The following DUSP7 variants were observed in gnomAD, a reference collection of about 807,000 sequenced individuals.
DUSP7 encodes dual specificity phosphatase 7.
DUSP7 carries 7 observed loss-of-function variants against 29.8 expected under a neutral mutation model. That is an observed-to-expected ratio of 0.24 (90% CI 0.13 to 0.44). DUSP7 has a LOEUF of 0.44. DUSP7 is among the 20% of genes least tolerant of loss of function. The pLI is 1.00. For synonymous variants in DUSP7, 287 were observed against 275.4 expected (o/e 1.04, Z -0.42); for missense variants, 400 against 583.7 (o/e 0.69, Z 3.24).
chr3:52,051,199 G>A lies in DUSP7; in HGVS notation c.953-77C>T. ...CACATGGGTGGGCAGGTGGGGCTGG[G>A]GCACAGAGGGCAGCATGGTGGCTGG... On this transcript the variant is annotated intron_variant, in intron 2 of 2. Transcript: ENST00000495880. The surrounding 1 kb of genome is among the most constrained non-coding windows in gnomAD (Gnocchi z 4.8). 3 of 1,489,534 alleles carry A rather than the reference G, an allele frequency of 2.0e-6. No individual in the cohort carries two copies. Among genetic ancestry groups the A allele is most frequent in the Non-Finnish European group, 2.7e-6 (3 of 1,108,668 alleles). 92.3% of individuals were successfully genotyped at this position (1,489,534 alleles called of 1,614,324 possible). A position where few individuals can be genotyped will look rare whatever the true frequency, so the allele number is the denominator to read the frequency against.
chr3:52,056,280 G>T lies in DUSP7; in HGVS notation c.87C>A (p.Ser29=), dbSNP rs1221587423. The T allele has an allele frequency of 2.5e-5, 31 of 1,243,500 alleles. No individual in the cohort carries two copies. The highest frequency in any genetic ancestry group is 2.8e-5 in the Non-Finnish European group (28 of 996,976). The allele number at this position is 1,243,500 out of a possible 1,614,324, so 77.0% of individuals were successfully genotyped here. ...CGGACCCCGACCCCGCACCGGGCTC[G>T]GACCCCGCCCGGGTGCCCCCAGCCG... ...AAAAGGTRAG[S]EPGAGSGSGA... The change falls in exon 1 of 3, where the codon TCC becomes TCA. Residue 29 remains serine, a synonymous_variant. Coordinates refer to ENST00000495880, the MANE Select transcript of DUSP7 (RefSeq NM_001947.4). The surrounding 1 kb of genome is among the most constrained non-coding windows in gnomAD (Gnocchi z 6.4).
chr3:52,056,244 G>T lies in DUSP7; in HGVS notation c.123C>A (p.Thr41=). Residue 41 remains threonine (T), a synonymous_variant, in exon 1 of 3, where the codon ACC becomes ACA. Coordinates refer to ENST00000495880, the MANE Select transcript of DUSP7 (RefSeq NM_001947.4). This position sits in a 1 kb window ranked among gnomAD's most constrained non-coding sequence, Gnocchi z 6.4. ...PGAGSGSGAG[T]GAGAATGAGA... ...CTGCCCCCGTCGCCGCGCCCGCCCC[G>T]GTGCCTGCGCCGGACCCCGACCCCG... 1 of 1,392,100 alleles carries T rather than the reference G, an allele frequency of 7.2e-7. No individual in the cohort carries two copies. The highest frequency in any genetic ancestry group is 1.6e-5 in the South Asian group (1 of 63,740). The allele number at this position is 1,392,100 out of a possible 1,614,324, so 86.2% of individuals were successfully genotyped here. A position where few individuals can be genotyped will look rare whatever the true frequency, so the allele number is the denominator to read the frequency against.
rs1701902573 is a variant in DUSP7, at chr3:52,056,485, C to T, written c.-119G>A. ...GCCTCCCGCCGAGCTGCGCGCCCGC[C>T]GCCCCGGCCTCCCGGCCTCCCGGCC... is the stretch of plus-strand genomic sequence containing the variant. On this transcript the variant is annotated 5_prime_UTR_variant, in exon 1 of 3. Coordinates refer to ENST00000495880, the MANE Select transcript of DUSP7 (RefSeq NM_001947.4). The surrounding 1 kb of genome is among the most constrained non-coding windows in gnomAD (Gnocchi z 6.4). 2.3e-6 allele frequency: 1 copy of T among 432,128 alleles called. No homozygotes were observed. The highest frequency in any genetic ancestry group is 3.1e-6 in the Non-Finnish European group (1 of 326,938). The allele number at this position is 432,128 out of a possible 1,614,324, so 26.8% of individuals were successfully genotyped here. A position where few individuals can be genotyped will look rare whatever the true frequency, so the allele number is the denominator to read the frequency against.
intron 2 of DUSP7, chr3:52,052,072 CAATA>C (rs1171377324): frequency 1.3e-5 from 2 of 152,266 alleles, no homozygotes; most frequent in Non-Finnish European, 2.9e-5. Flanking sequence ...CATAGAAGCT[CAATA>C]AATACTGGCC....
rs775433457 is a variant in DUSP7, at chr3:52,050,853, G to A, written c.1222C>T (p.His408Tyr). ...EQLYFSTPTNHNLFPLNTLES... is the reference protein window; with the variant it reads ...EQLYFSTPTNYNLFPLNTLES... The stretch of plus-strand genomic sequence containing the variant: ...AGCGTATTGAGTGGGAACAGGTTGT[G>A]GTTGGTGGGCGTGGAAAAGTAGAGC... The change falls in exon 3 of 3, where the codon CAC (histidine) becomes TAC (tyrosine). Residue 408 changes from histidine to tyrosine, a missense_variant. By Grantham distance (83) the His-to-Tyr change is moderately conservative (BLOSUM62 2). Transcript: ENST00000495880. This position sits in a 1 kb window ranked among gnomAD's most constrained non-coding sequence, Gnocchi z 5.0. The A allele has an allele frequency of 6.2e-7, 1 of 1,614,036 alleles. No individual in the cohort carries two copies. Among genetic ancestry groups the A allele is most frequent in the East Asian group, 2.2e-5 (1 of 44,886 alleles).
At position 52,050,992 on chromosome 3, in the gene DUSP7, G is replaced by A. The variant is rs759921764; in HGVS notation, c.1083C>T (p.Val361=). ...GCGAGATGTTGGACTTTTTCCTCTT[G>A]ACAAAGTCGTAGGCGTCGTTGAGTG... is the stretch of plus-strand genomic sequence containing the variant. ...NLSLNDAYDF[V]KRKKSNISPN... is the part of the protein sequence containing the mutation. Residue 361 remains valine (V), a synonymous_variant, in exon 3 of 3, where the codon GTC becomes GTT. Transcript: ENST00000495880. This position sits in a 1 kb window ranked among gnomAD's most constrained non-coding sequence, Gnocchi z 5.0. The A allele has an allele frequency of 6.2e-7, 1 of 1,614,264 alleles. No individual in the cohort carries two copies. Among genetic ancestry groups the A allele is most frequent in the South Asian group, 1.1e-5 (1 of 91,086 alleles).
In DUSP7 at chr3:52,049,278, A is replaced by G. The variant is rs1701819112; in HGVS notation, c.*1537T>C. On this transcript the variant is annotated 3_prime_UTR_variant, in exon 3 of 3. Transcript: ENST00000495880. ...GCAGAGTTTTTCTGTGGCCTCACTC[A>G]CATGCTGAGTGCTGCTCCGTCAGGG... 6.6e-6 allele frequency: 1 copy of G among 152,156 alleles called. No individual in the cohort carries two copies. The highest frequency in any genetic ancestry group is 2.4e-5 in the African/African-American group (1 of 41,422). 9.4% of individuals were successfully genotyped at this position (152,156 alleles called of 1,614,324 possible).
chr3:52,049,700 A>G lies in DUSP7; in HGVS notation c.*1115T>C, dbSNP rs577918250. ...CCTCCACTCCCAGTTACAACAAGAG[A>G]GAGGAAAGGAAGAGAGAGGGAGGGG... On this transcript the variant is annotated 3_prime_UTR_variant, in exon 3 of 3. Coordinates refer to ENST00000495880, the MANE Select transcript of DUSP7 (RefSeq NM_001947.4). The G allele has an allele frequency of 6.6e-6, 1 of 151,762 alleles. No individual in the cohort carries two copies. Among genetic ancestry groups the G allele is most frequent in the Non-Finnish European group, 1.5e-5 (1 of 67,884 alleles). The allele number at this position is 151,762 out of a possible 1,614,324, so 9.4% of individuals were successfully genotyped here.
In DUSP7 at chr3:52,054,482, C is replaced by T. The variant is rs1701878632; in HGVS notation, c.518-108G>A. The T allele has an allele frequency of 2.2e-6, 2 of 896,336 alleles. No homozygotes were observed. The highest frequency in any genetic ancestry group is 3.0e-5 in the Admixed American group (1 of 33,512). The allele number at this position is 896,336 out of a possible 1,614,324, so 55.5% of individuals were successfully genotyped here. ...TCTGCACGCCAAACACCACAGCACC[C>T]ACGGTCAGCATGGGCCATGCCAAGC... On this transcript the variant is annotated intron_variant, in intron 1 of 2. Transcript: ENST00000495880. The surrounding 1 kb of genome is among the most constrained non-coding windows in gnomAD (Gnocchi z 4.1).
rs1559798192 is a variant in DUSP7, at chr3:52,055,806, C to T, written c.517+44G>A. ...CTCCAAGGGGGGCGTCAGGGAGTCG[C>T]GGGGGGGCCCCGATCCCGTAAGGCG... On this transcript the variant is annotated intron_variant, in intron 1 of 2. Coordinates refer to ENST00000495880, the MANE Select transcript of DUSP7 (RefSeq NM_001947.4). 2.0e-6 allele frequency: 3 copies of T among 1,480,026 alleles called. No homozygotes were observed. In the Admixed American group the frequency reaches 7.1e-5, roughly 35 times the overall value. 91.7% of individuals were successfully genotyped at this position (1,480,026 alleles called of 1,614,324 possible). A position where few individuals can be genotyped will look rare whatever the true frequency, so the allele number is the denominator to read the frequency against.
rs1355482405 is a variant in DUSP7, at chr3:52,053,007, C to T, written c.952+933G>A. The T allele has an allele frequency of 6.6e-6, 1 of 152,348 alleles. No individual in the cohort carries two copies. The highest frequency in any genetic ancestry group is 2.4e-5 in the African/African-American group (1 of 41,446). 9.4% of individuals were successfully genotyped at this position (152,348 alleles called of 1,614,324 possible). ...GTAAGCGGATGAGGCGGGGAAGCCT[C>T]CCACTTCCTGTTGTTAAAGCTAGCC... On this transcript the variant is annotated intron_variant, in intron 2 of 2. Transcript: ENST00000495880. This position sits in a 1 kb window ranked among gnomAD's most constrained non-coding sequence, Gnocchi z 4.6.
In DUSP7 at chr3:52,050,063, C is replaced by G. The variant is rs1328113347; in HGVS notation, c.*752G>C. 1 of 152,250 alleles carries G rather than the reference C, an allele frequency of 6.6e-6. No homozygotes were observed. Among genetic ancestry groups the G allele is most frequent in the Non-Finnish European group, 1.5e-5 (1 of 68,054 alleles). 9.4% of individuals were successfully genotyped at this position (152,250 alleles called of 1,614,324 possible). A position where few individuals can be genotyped will look rare whatever the true frequency, so the allele number is the denominator to read the frequency against. Reference sequence around the variant, plus strand: ...TTGCAGCAGTCATCACAGGCGAATGCAGAGCTAAGTCAGACTGGGCCAAGG... The same window carrying G: ...TTGCAGCAGTCATCACAGGCGAATGGAGAGCTAAGTCAGACTGGGCCAAGG... On this transcript the variant is annotated 3_prime_UTR_variant, in exon 3 of 3. Transcript: ENST00000495880. The surrounding 1 kb of genome is among the most constrained non-coding windows in gnomAD (Gnocchi z 5.0).
At chr3:52,055,633 C>A (rs1701893652) in intron 1 of DUSP7, among the ~76,000 whole-genome samples, 1 of 152,244 alleles carries the variant, frequency 6.6e-6, no homozygotes, top group Admixed American at 6.5e-5. Flanking sequence ...TTGTTCCACC[C>A]ACTCGAATCG....
At position 52,055,938 on chromosome 3, in the gene DUSP7, C is replaced by A; in HGVS notation, c.429G>T (p.Trp143Cys). Residue 143 changes from tryptophan to cysteine, a missense_variant, in exon 1 of 3, where the codon TGG becomes TGT. Coordinates refer to ENST00000495880, the MANE Select transcript of DUSP7 (RefSeq NM_001947.4). ...VLLYDEATAE[W>C]QPEPGAPASV... ...AGGCGGGAGCGCCGGGCTCGGGCTG[C>A]CACTCGGCCGTGGCCTCGTCGTAGA... 5 of 1,563,758 alleles carry A rather than the reference C, an allele frequency of 3.2e-6. No homozygotes were observed. The highest frequency in any genetic ancestry group is 4.3e-6 in the Non-Finnish European group (5 of 1,156,376).
rs1325467539 is a variant in DUSP7 at position 52,054,252 on chromosome 3, A to C, written c.640T>G (p.Ser214Ala). 1 of 1,607,878 alleles carries C rather than the reference A, an allele frequency of 6.2e-7. No homozygotes were observed. The highest frequency in any genetic ancestry group is 1.7e-5 in the Admixed American group (1 of 59,722). Reference sequence around the variant, plus strand: ...TCCGACTCGCCGTCGGAGCAGTCAGAGCTGATGCGCAGGCCCCCCAGGCCC... The same window carrying C: ...TCCGACTCGCCGTCGGAGCAGTCAGCGCTGATGCGCAGGCCCCCCAGGCCC... ...VLGLGGLRIS[S>A]DCSDGESDRE... is the part of the protein sequence containing the mutation. The change falls in exon 2 of 3, where the codon TCT becomes GCT. Residue 214 changes from serine to alanine, a missense_variant. By Grantham distance (99) the Ser-to-Ala change is moderately conservative. Around this residue, in one of 4 missense-constraint regions of DUSP7, gnomAD observed 223 missense variants for 360.9 expected, o/e 0.62. Transcript: ENST00000495880. This position sits in a 1 kb window ranked among gnomAD's most constrained non-coding sequence, Gnocchi z 4.1.
Position 52,054,285 on chromosome 3 carries a change from AG to A in DUSP7, c.606del (p.Ser203GlnfsTer137). 1 of 1,600,336 alleles carries A rather than the reference AG, an allele frequency of 6.2e-7. No homozygotes were observed. The highest frequency in any genetic ancestry group is 8.5e-7 in the Non-Finnish European group (1 of 1,171,860). ...CGCAGGCCCCCCAGGCCCAGCACTG[AG>A]GTGGGTGGCGAGCTGCTCGGCGAGG... ...SSSSPSSSPPTSVLGLGGLRI... is the reference protein window; with the variant it reads ...SSSSPSSSPPXSVLGLGGLRI... On this transcript the variant is annotated frameshift_variant, in exon 2 of 3. Coordinates refer to ENST00000495880, the MANE Select transcript of DUSP7 (RefSeq NM_001947.4). LOFTEE classifies it high-confidence loss of function. This position sits in a 1 kb window ranked among gnomAD's most constrained non-coding sequence, Gnocchi z 4.1.
rs1452799753 is a variant in DUSP7, at chr3:52,050,739, C to T, written c.*76G>A. On this transcript the variant is annotated 3_prime_UTR_variant, in exon 3 of 3. Coordinates refer to ENST00000495880, the MANE Select transcript of DUSP7 (RefSeq NM_001947.4). The surrounding 1 kb of genome is among the most constrained non-coding windows in gnomAD (Gnocchi z 5.0). ...TGGGGGTTCCTCAGGCCAGAGGTGG[C>T]GGGCTTGGGCTCTCCCACCTAGCCC... The T allele has an allele frequency of 1.2e-5, 17 of 1,471,140 alleles. No individual in the cohort carries two copies. Among genetic ancestry groups the T allele is most frequent in the Admixed American group, 4.5e-5 (2 of 44,194 alleles). The allele number at this position is 1,471,140 out of a possible 1,614,324, so 91.1% of individuals were successfully genotyped here. A position where few individuals can be genotyped will look rare whatever the true frequency, so the allele number is the denominator to read the frequency against.
Position 52,051,009 on chromosome 3 carries a change from C to T in DUSP7, c.1066G>A (p.Asp356Asn). The change falls in exon 3 of 3, where the codon GAC (aspartate) becomes AAC (asparagine). Residue 356 changes from aspartate (D) to asparagine (N), a missense_variant. Asp to Asn is a conservative substitution (Grantham distance 23). Around this residue, in one of 4 missense-constraint regions of DUSP7, gnomAD observed 75 missense variants for 95.0 expected, o/e 0.79. Coordinates refer to ENST00000495880, the MANE Select transcript of DUSP7 (RefSeq NM_001947.4). This position sits in a 1 kb window ranked among gnomAD's most constrained non-coding sequence, Gnocchi z 4.8. ...LMQKMNLSLNDAYDFVKRKKS... is the reference protein window; with the variant it reads ...LMQKMNLSLNNAYDFVKRKKS... ...TTCCTCTTGACAAAGTCGTAGGCGT[C>T]GTTGAGTGACAGGTTCATCTTCTGC... 3 of 1,614,254 alleles carry T rather than the reference C, an allele frequency of 1.9e-6. No individual in the cohort carries two copies. The highest frequency in any genetic ancestry group is 1.1e-5 in the South Asian group (1 of 91,088).
Position 52,056,083 on chromosome 3 carries a change from GC to G in DUSP7, c.283del (p.Ala95ProfsTer245). On this transcript the variant is annotated frameshift_variant, in exon 1 of 3. Coordinates refer to ENST00000495880, the MANE Select transcript of DUSP7 (RefSeq NM_001947.4). LOFTEE classifies it high-confidence loss of function. This position sits in a 1 kb window ranked among gnomAD's most constrained non-coding sequence, Gnocchi z 6.4. ...SSHIETAINL[A>X]IPGLMLRRLR... ...GCGGCGCAACATGAGGCCCGGGATG[GC>G]CAGGTTGATGGCCGTCTCGATGTGC... 6.2e-7 allele frequency: 1 copy of G among 1,607,654 alleles called. No individual in the cohort carries two copies. Among genetic ancestry groups the G allele is most frequent in the Non-Finnish European group, 8.5e-7 (1 of 1,177,998 alleles).
Sources: allele counts gnomAD v4.1 joint callset (sites outside exome capture counted in the v4.1 genomes callset), GRCh38; gene constraint gnomAD v4.1.1; regional missense constraint gnomAD v4.1.1; non-coding constraint Gnocchi (gnomAD v3.1); transcripts MANE v1.5; gene names NCBI Gene and HGNC (gene_info 2026-07-23, HGNC 2026-07-21).